Variants in EPB41L2 observed in about 807,000 individuals in gnomAD.
EPB41L2 encodes erythrocyte membrane protein band 4.1 like 2, also known as band 4.1-like protein 2.
In EPB41L2, 43 loss-of-function variants were observed where a neutral mutation model predicts 113.0. That is an observed-to-expected ratio of 0.38 (90% CI 0.30 to 0.49). EPB41L2 has a LOEUF of 0.49. Among genes scored for constraint, EPB41L2 ranks in the 20% least tolerant of loss-of-function variants. The pLI, the probability that EPB41L2 is intolerant of heterozygous loss-of-function variation, is 0.95. For synonymous variants in EPB41L2, 442 were observed against 436.7 expected (o/e 1.01, Z -0.15); for missense variants, 1,147 against 1,223.4 (o/e 0.94, Z 0.93).
intron 8 of EPB41L2, 38 bp downstream of exon 8, chr6:130,899,453 G>C: frequency 3.2e-6 from 5 of 1,555,056 alleles, no homozygotes; most frequent in Non-Finnish European, 4.4e-6. Context: ...TCAGTCAACA[G>C]ACTACTATGA....
At chr6:131,053,015 G>A (rs1263209375) in intron 1 of EPB41L2, among the ~76,000 whole-genome samples, 8 of 151,756 alleles carry the variant, frequency 5.3e-5, no homozygotes, top group South Asian at 2.1e-4. Flanking sequence ...CCTTGTCTCC[G>A]CCTCCTGAGC....
chr6:131,048,774 T>TA (rs1426103448), intron 1 of EPB41L2, among the ~76,000 whole-genome samples: 8 of 152,150 alleles, frequency 5.3e-5, no homozygotes, highest in Non-Finnish European at 1.5e-5. Flanking sequence ...GTAAAAAGTT[T>TA]AAAAAAGAAG....
At chr6:130,979,784 G>A (rs1778978915) in intron 1 of EPB41L2, among the ~76,000 whole-genome samples, 1 of 152,156 alleles carries the variant, frequency 6.6e-6, no homozygotes, top group Admixed American at 6.5e-5. Context: ...GAATACATCT[G>A]GGCTGAAAAT....
chr6:130,843,547 C>T (rs1266850004), intron 19 of EPB41L2, among the ~76,000 whole-genome samples: 5 of 152,220 alleles, frequency 3.3e-5, no homozygotes, highest in Admixed American at 6.5e-5. Flanking sequence ...TACACTATCA[C>T]AGGTTCATCC....
Position 130,867,781 on chromosome 6 carries a change from C to G in EPB41L2, c.2608-200G>C. 5 of 564,624 alleles carry G rather than the reference C, an allele frequency of 8.9e-6. No individual in the cohort carries two copies. The South Asian group carries it at 1.0e-4, about 11-fold the overall frequency. 35.0% of individuals were successfully genotyped at this position (564,624 alleles called of 1,614,324 possible). On this transcript the variant is annotated intron_variant, in intron 15 of 19. Transcript: ENST00000337057. ...TTCAAATATATCATATATACACATA[C>G]ATACATGTGCACATAGATACGTACA...
At chr6:131,055,200 C>T (rs1378055914) in intron 1 of EPB41L2, among the ~76,000 whole-genome samples, 5 of 152,052 alleles carry the variant, frequency 3.3e-5, no homozygotes, top group African/African-American at 2.4e-5. Context: ...TGCAGTACTA[C>T]CTGACTTTCT....
chr6:130,918,924 A>G (rs866520217), intron 4 of EPB41L2, among the ~76,000 whole-genome samples: 1 of 152,144 alleles, frequency 6.6e-6, no homozygotes, highest in Non-Finnish European at 1.5e-5. Flanking sequence ...TATGTGGGGG[A>G]AAAAATAGGA....
chr6:130,981,906 T>C (rs188041558), intron 1 of EPB41L2, among the ~76,000 whole-genome samples: 2 of 152,164 alleles, frequency 1.3e-5, no homozygotes, highest in East Asian at 3.8e-4. Flanking sequence ...TATAAAGATA[T>C]ACATTTTTAA....
rs188710531 is a variant in EPB41L2 at position 131,039,174 on chromosome 6, A to G, written c.-15+23981T>C. 2.9e-3 allele frequency among the ~76,000 whole-genome samples: 447 copies of G among 152,342 alleles called. 1 individual carries two copies. Among genetic ancestry groups the G allele is most frequent in the African/African-American group, 0.01 (431 of 41,580 alleles). ...CAAGACAGCAGCTTATTGATCCAGC[A>G]TTACAAGGTTGACCTTCTCTCAACA... On this transcript the variant is annotated intron_variant, in intron 1 of 19. Coordinates refer to ENST00000337057, the MANE Select transcript of EPB41L2 (RefSeq NM_001431.4).
At chr6:130,991,433 G>A (rs1465594208) in intron 1 of EPB41L2, among the ~76,000 whole-genome samples, 1 of 152,136 alleles carries the variant, frequency 6.6e-6, no homozygotes, top group Non-Finnish European at 1.5e-5. Context: ...AAATTTAAGA[G>A]GCTTTCAACA....
intron 4 of EPB41L2, among the ~76,000 whole-genome samples, chr6:130,915,727 CA>C (rs1178176161): frequency 6.6e-6 from 1 of 152,170 alleles, no homozygotes; most frequent in Non-Finnish European, 1.5e-5. Context: ...ATGAGTGAAT[CA>C]TGGGGGCAGA....
At position 130,869,847 on chromosome 6, in the gene EPB41L2, C is replaced by A; in HGVS notation, c.2323G>T (p.Glu775Ter). Residue 775 changes from glutamate to a stop codon, truncating the protein, a stop_gained, in exon 15 of 20, where the codon GAA (glutamate) becomes TAA (stop). Coordinates refer to ENST00000337057, the MANE Select transcript of EPB41L2 (RefSeq NM_001431.4). LOFTEE classifies it high-confidence loss of function. ...GTIREEQEYE[E>*]EVEEEPRPAA... is the part of the protein sequence containing the mutation. ...GGGCGGGGTTCTTCCTCCACCTCTT[C>A]TTCATACTCCTGTTCCTCCCTGATG... 6.2e-7 allele frequency: 1 copy of A among 1,613,780 alleles called. No individual in the cohort carries two copies. Among genetic ancestry groups the A allele is most frequent in the Non-Finnish European group, 8.5e-7 (1 of 1,179,996 alleles).
At chr6:130,899,417 C>A in intron 8 of EPB41L2, 74 bp downstream of exon 8, 1 of 1,196,236 alleles carries the variant, frequency 8.4e-7, no homozygotes, top group Non-Finnish European at 1.2e-6. Flanking sequence ...GCTGTGCTAT[C>A]CTGAAACTGG....
At chr6:130,873,865 G>C (rs1030892848) in intron 14 of EPB41L2, among the ~76,000 whole-genome samples, 2 of 152,202 alleles carry the variant, frequency 1.3e-5, no homozygotes, top group African/African-American at 4.8e-5. Context: ...GAGGTGAGGA[G>C]GGTGAGGGGA....
intron 1 of EPB41L2, among the ~76,000 whole-genome samples, chr6:131,008,206 C>A (rs1399158562): frequency 1.3e-5 from 2 of 152,196 alleles, no homozygotes; most frequent in African/African-American, 4.8e-5. Flanking sequence ...GGACATGTGC[C>A]CTGCATCCCA....
intron 8 of EPB41L2, 66 bp downstream of exon 8, chr6:130,899,425 T>C: frequency 7.8e-7 from 1 of 1,288,416 alleles, no homozygotes; most frequent in African/African-American, 1.5e-5. Flanking sequence ...ATCCTGAAAC[T>C]GGAGCCCTCT....
At chr6:130,891,625 A>AT (rs1307725123) in intron 10 of EPB41L2, among the ~76,000 whole-genome samples, 1 of 151,834 alleles carries the variant, frequency 6.6e-6, no homozygotes, top group East Asian at 1.9e-4. Flanking sequence ...TAATTTTTGT[A>AT]TTTTTTTAAG....
At chr6:130,923,111 G>T (rs1803430491) in intron 4 of EPB41L2, among the ~76,000 whole-genome samples, 1 of 152,010 alleles carries the variant, frequency 6.6e-6, no homozygotes, top group Non-Finnish European at 1.5e-5. Flanking sequence ...CTTAATTCTT[G>T]GTATCTGTCA....
At chr6:130,912,543 G>T (rs1799749641) in intron 4 of EPB41L2, among the ~76,000 whole-genome samples, 1 of 152,172 alleles carries the variant, frequency 6.6e-6, no homozygotes, top group South Asian at 2.1e-4. Context: ...CCAGAGCATG[G>T]TCTAGTTTCA....
Sources: allele counts gnomAD v4.1 joint callset (sites outside exome capture counted in the v4.1 genomes callset), GRCh38; gene constraint gnomAD v4.1.1; transcripts MANE v1.5; gene names NCBI Gene and HGNC (gene_info 2026-07-23, HGNC 2026-07-21).